SPRTN: variants seen among roughly 807,000 people sequenced by gnomAD.
The protein encoded by SPRTN is DNA-dependent metalloprotease SPRTN.
A neutral mutation model predicts 31.9 loss-of-function variants in SPRTN; 11 were observed. That is an observed-to-expected ratio of 0.34 (90% CI 0.22 to 0.57). The LOEUF (loss-of-function observed/expected upper bound fraction) is 0.57, where lower values mean the gene tolerates loss of function less well. SPRTN is among the 20% of genes least tolerant of loss of function. The pLI, the probability that SPRTN is intolerant of heterozygous loss-of-function variation, is 0.86. For missense variants in SPRTN, 482 were observed against 590.1 expected, an observed-to-expected ratio of 0.82 and a Z score of 1.90; for synonymous variants, 185 against 212.1, an observed-to-expected ratio of 0.87 and a Z score of 1.11.
rs770926244 is a variant in SPRTN at position 231,338,573 on chromosome 1, G to T, written c.190G>T (p.Val64Phe). The T allele has an allele frequency of 6.2e-7, 1 of 1,614,250 alleles. No homozygotes were observed. Among genetic ancestry groups the T allele is most frequent in the Non-Finnish European group, 8.5e-7 (1 of 1,180,048 alleles). The part of the protein sequence containing the change: ...DQFFWGQLEA[V>F]EVKWSVRMTL... ...ATTCTTCTGGGGCCAGCTGGAGGCC[G>T]TCGAGGTGAAGTGGAGCGTGCGAAT... Residue 64 changes from valine (V) to phenylalanine (F), a missense_variant, in exon 1 of 5, where the codon GTC (valine) becomes TTC (phenylalanine). Transcript: ENST00000295050.
intron 2 of SPRTN, among the ~76,000 whole-genome samples, chr1:231,345,974 T>G (rs1687046803): frequency 6.6e-6 from 1 of 151,744 alleles, no homozygotes; most frequent in African/African-American, 2.4e-5. Flanking sequence ...GCTAATTGTT[T>G]TATTTTTATT....
rs746776286 is a variant in SPRTN at position 231,338,360 on chromosome 1, A to T, written c.-24A>T. ...TGGGGAGCCAGCCTGACGCCGGCGGACCCCGCCTGTGATCCTGGCAACGAT... is the reference window on the plus strand; with the variant it reads ...TGGGGAGCCAGCCTGACGCCGGCGGTCCCCGCCTGTGATCCTGGCAACGAT... On this transcript the variant is annotated 5_prime_UTR_variant, in exon 1 of 5. Transcript: ENST00000295050. 1 of 1,610,742 alleles carries T rather than the reference A, an allele frequency of 6.2e-7. No homozygotes were observed. The highest frequency in any genetic ancestry group is 1.3e-5 in the African/African-American group (1 of 74,956).
intron 3 of SPRTN, among the ~76,000 whole-genome samples, chr1:231,350,731 T>C (rs1687198076): frequency 6.6e-6 from 1 of 152,138 alleles, no homozygotes; most frequent in Non-Finnish European, 1.5e-5. Flanking sequence ...TGGTACCTCA[T>C]AAGGCTTATT....
chr1:231,348,033 T>C, intron 3 of SPRTN, 108 bp downstream of exon 3: 1 of 1,467,916 alleles, frequency 6.8e-7, no homozygotes, highest in African/African-American at 1.4e-5. Context: ...CTTTGAGGAT[T>C]TTCCACAGCG....
intron 2 of SPRTN, among the ~76,000 whole-genome samples, chr1:231,341,911 G>T (rs552677539): frequency 6.6e-6 from 1 of 151,358 alleles, no homozygotes; most frequent in South Asian, 2.1e-4. Flanking sequence ...GCATGAACTC[G>T]GGAGGTGGAG....
rs949259581 is a variant in SPRTN at position 231,354,108 on chromosome 1, A to G, written c.*747A>G. 1 of 985,048 alleles carries G rather than the reference A, an allele frequency of 1.0e-6. No individual in the cohort carries two copies. Among genetic ancestry groups the G allele is most frequent in the African/African-American group, 1.7e-5 (1 of 57,226 alleles). 61.0% of individuals were successfully genotyped at this position (985,048 alleles called of 1,614,324 possible). On this transcript the variant is annotated 3_prime_UTR_variant, in exon 5 of 5. Transcript: ENST00000295050. Reference sequence around the variant, plus strand: ...GCAGAGTGGTTAAAATTCTGTGCTGATAAGTAACTGATACATATAACATAA... The same window carrying G: ...GCAGAGTGGTTAAAATTCTGTGCTGGTAAGTAACTGATACATATAACATAA...
chr1:231,350,641 T>G (rs1687195005), intron 3 of SPRTN, among the ~76,000 whole-genome samples: 1 of 152,132 alleles, frequency 6.6e-6, no homozygotes, highest in South Asian at 2.1e-4. Context: ...TATTAGCCAC[T>G]AGGGACACAA....
At chr1:231,348,709 C>T (rs990235133) in intron 3 of SPRTN, among the ~76,000 whole-genome samples, 9 of 152,126 alleles carry the variant, frequency 5.9e-5, no homozygotes, top group African/African-American at 2.2e-4. Context: ...TGCTTTTCAT[C>T]GTTCCAGTGG....
chr1:231,345,895 C>T (rs917560844), intron 2 of SPRTN, among the ~76,000 whole-genome samples: 1 of 152,104 alleles, frequency 6.6e-6, no homozygotes, highest in African/African-American at 2.4e-5. Flanking sequence ...TCACTGCAAC[C>T]TTGAATTCAT....
In SPRTN at chr1:231,347,787, T is replaced by C; in HGVS notation, c.322-10T>C. 6.3e-7 allele frequency: 1 copy of C among 1,595,172 alleles called. No individual in the cohort carries two copies. The highest frequency in any genetic ancestry group is 8.5e-7 in the Non-Finnish European group (1 of 1,175,260). On this transcript the variant is annotated splice_polypyrimidine_tract_variant and intron_variant, in intron 2 of 4. Transcript: ENST00000295050. ...GACTCTAAAACTAATTTGAATATTT[T>C]ATGTTCCAGACCCTCCTGCATGAAA... is the stretch of plus-strand genomic sequence containing the variant.
intron 3 of SPRTN, among the ~76,000 whole-genome samples, chr1:231,351,068 A>C (rs777893228): frequency 9.9e-5 from 15 of 151,994 alleles, no homozygotes; most frequent in Non-Finnish European, 1.6e-4. Context: ...TCCCATGTGC[A>C]TCTATCTTTA....
At position 231,354,459 on chromosome 1, in the gene SPRTN, A is replaced by G. The variant is rs903354077; in HGVS notation, c.*1098A>G. ...TAAGTGCACAGCTGGGTAAACTTTT[A>G]CAGTGTTCACCTGTGTAACTACCAC... On this transcript the variant is annotated 3_prime_UTR_variant, in exon 5 of 5. Coordinates refer to ENST00000295050, the MANE Select transcript of SPRTN (RefSeq NM_032018.7). 5 of 887,710 alleles carry G rather than the reference A, an allele frequency of 5.6e-6. No individual in the cohort carries two copies. Among genetic ancestry groups the G allele is most frequent in the Admixed American group, 6.2e-5 (1 of 16,112 alleles). 55.0% of individuals were successfully genotyped at this position (887,710 alleles called of 1,614,324 possible). A position where few individuals can be genotyped will look rare whatever the true frequency, so the allele number is the denominator to read the frequency against.
intron 1 of SPRTN, chr1:231,339,315 A>G (rs1423821293): frequency 3.1e-6 from 1 of 321,926 alleles, no homozygotes; most frequent in East Asian, 7.3e-5. Context: ...GCTACTGGAG[A>G]TATCTGCTTG....
rs369698419 is a variant in SPRTN at position 231,353,250 on chromosome 1, G to A, written c.1359G>A (p.Met453Ile). Residue 453 changes from methionine (M) to isoleucine (I), a missense_variant, in exon 5 of 5, where the codon ATG (methionine) becomes ATA (isoleucine). By Grantham distance (10) the Met-to-Ile change is conservative. This residue lies in a region of SPRTN where 325 missense variants were observed against 350.2 expected (regional missense o/e 0.93). Coordinates refer to ENST00000295050, the MANE Select transcript of SPRTN (RefSeq NM_032018.7). Reference sequence around the variant, plus strand: ...GCAGTTCATCCAGTCAGAGCAAAATGGTTAATTGCCCAGTTTGTCAGAATG... The same window carrying A: ...GCAGTTCATCCAGTCAGAGCAAAATAGTTAATTGCCCAGTTTGTCAGAATG... Reference protein sequence around the residue: ...NSSSSSSQSKMVNCPVCQNEV... With the variant: ...NSSSSSSQSKIVNCPVCQNEV... 8.1e-6 allele frequency: 13 copies of A among 1,614,068 alleles called. No individual in the cohort carries two copies. The highest frequency in any genetic ancestry group is 1.0e-5 in the Non-Finnish European group (12 of 1,179,970).
chr1:231,350,361 AG>A (rs1687188409), intron 3 of SPRTN, among the ~76,000 whole-genome samples: 1 of 152,210 alleles, frequency 6.6e-6, no homozygotes, highest in African/African-American at 2.4e-5. Context: ...CTGAGAAGGC[AG>A]AAGAATAAGG....
intron 2 of SPRTN, among the ~76,000 whole-genome samples, chr1:231,343,810 A>G (rs747461288): frequency 1.2e-4 from 18 of 151,912 alleles, no homozygotes; most frequent in Non-Finnish European, 2.2e-4. Context: ...AGAGGTGAGC[A>G]TTAAAGGACG....
intron 3 of SPRTN, among the ~76,000 whole-genome samples, chr1:231,350,987 A>G (rs1306226182): frequency 2.0e-5 from 3 of 152,056 alleles, no homozygotes; most frequent in Non-Finnish European, 4.4e-5. Context: ...TACAAATTTG[A>G]TTTCTGAAAC....
In SPRTN at chr1:231,338,506, C is replaced by T. The variant is rs1277085734; in HGVS notation, c.123C>T (p.Pro41=). 1 of 1,614,140 alleles carries T rather than the reference C, an allele frequency of 6.2e-7. No individual in the cohort carries two copies. Among genetic ancestry groups the T allele is most frequent in the Non-Finnish European group, 8.5e-7 (1 of 1,180,050 alleles). ...ACGCGTCGTGGGAGTTGGTGGACCC[C>T]ACACCGGACTTGCAGGCACTGTTTG... ...LVDASWELVD[P]TPDLQALFVQ... The change falls in exon 1 of 5, where the codon CCC becomes CCT. Residue 41 remains proline (P), a synonymous_variant. Coordinates refer to ENST00000295050, the MANE Select transcript of SPRTN (RefSeq NM_032018.7).
chr1:231,339,119 A>G (rs1004782213), intron 1 of SPRTN, among the ~76,000 whole-genome samples: 1 of 152,194 alleles, frequency 6.6e-6, no homozygotes, highest in Non-Finnish European at 1.5e-5. Flanking sequence ...AGAAATCCCT[A>G]TTTGAAATAA....
Sources: allele counts gnomAD v4.1 joint callset (sites outside exome capture counted in the v4.1 genomes callset), GRCh38; gene constraint gnomAD v4.1.1; regional missense constraint gnomAD v4.1.1; transcripts MANE v1.5; gene names NCBI Gene and HGNC (gene_info 2026-07-23, HGNC 2026-07-21).